ZNF713: variants seen among roughly 807,000 people sequenced by gnomAD.
ZNF713 encodes the protein zinc finger protein 713.
A neutral mutation model predicts 28.7 loss-of-function variants in ZNF713; 21 were observed. The observed-to-expected ratio is 0.73, with a 90% CI of 0.52 to 1.05. ZNF713 has a LOEUF of 1.05. Among genes scored for constraint, ZNF713 ranks in the 50% least tolerant of loss-of-function variants. The pLI, the probability that ZNF713 is intolerant of heterozygous loss-of-function variation, is 0.00. For synonymous variants in ZNF713, 167 were observed against 178.0 expected, an observed-to-expected ratio of 0.94 and a Z score of 0.49; for missense variants, 458 against 532.4, an observed-to-expected ratio of 0.86 and a Z score of 1.37.
intron 6 of ZNF713, among the ~76,000 whole-genome samples, chr7:55,934,768 A>C (rs1786310478): frequency 6.6e-6 from 1 of 152,040 alleles, no homozygotes; most frequent in Admixed American, 6.6e-5. Flanking sequence ...GCCTCCCAAA[A>C]TGCTAAGATT....
rs1786433834 is a variant in ZNF713 at position 55,940,041 on chromosome 7, G to A, written c.*35G>A. On this transcript the variant is annotated 3_prime_UTR_variant, in exon 7 of 7. Coordinates refer to ENST00000429591, the MANE Select transcript of ZNF713 (RefSeq NM_182633.3). Reference sequence around the variant, plus strand: ...GGGGAAATCAGATAAATATATAAATGTAGGAGATTTTTTGGTCAGACCTTT... The same window carrying A: ...GGGGAAATCAGATAAATATATAAATATAGGAGATTTTTTGGTCAGACCTTT... 1.3e-6 allele frequency: 2 copies of A among 1,515,426 alleles called. No individual in the cohort carries two copies. Among genetic ancestry groups the A allele is most frequent in the Non-Finnish European group, 1.8e-6 (2 of 1,134,532 alleles). The allele number at this position is 1,515,426 out of a possible 1,614,324, so 93.9% of individuals were successfully genotyped here.
At chr7:55,918,975 CAG>C (rs1329954703) in intron 4 of ZNF713, among the ~76,000 whole-genome samples, 1 of 149,138 alleles carries the variant, frequency 6.7e-6, no homozygotes, top group Non-Finnish European at 1.5e-5. Flanking sequence ...GCCTGGGTGA[CAG>C]AGAGAAATTC....
chr7:55,890,651 T>C (rs1396219712), intron 1 of ZNF713, among the ~76,000 whole-genome samples: 1 of 151,904 alleles, frequency 6.6e-6, no homozygotes, highest in Non-Finnish European at 1.5e-5. Context: ...CAAGAAAAAA[T>C]GTATCCCTTA....
At chr7:55,892,941 G>C (rs548347504) in intron 1 of ZNF713, among the ~76,000 whole-genome samples, 2 of 151,654 alleles carry the variant, frequency 1.3e-5, no homozygotes, top group Non-Finnish European at 2.9e-5. Flanking sequence ...GGAGTGCAGT[G>C]GTGTGATCTC....
intron 1 of ZNF713, among the ~76,000 whole-genome samples, 194 bp downstream of exon 1, chr7:55,887,874 CGG>C (rs1785302153): frequency 1.3e-4 from 1 of 7,852 alleles, no homozygotes; most frequent in African/African-American, 1.1e-3. Flanking sequence ...GCGGCGGCGG[CGG>C]CGGCGGCGGC....
chr7:55,934,925 G>A (rs867179794), intron 6 of ZNF713, among the ~76,000 whole-genome samples: 2 of 133,030 alleles, frequency 1.5e-5, no homozygotes, highest in Non-Finnish European at 1.5e-5. Flanking sequence ...GTCTTGCTCT[G>A]TTGCCTAGAC....
intron 3 of ZNF713, 100 bp from the exon 4 acceptor site, chr7:55,912,535 C>A: frequency 2.6e-6 from 2 of 775,322 alleles, no homozygotes; most frequent in Non-Finnish European, 4.3e-6. Flanking sequence ...TCTTAGAGGG[C>A]TTCTCAGTAC....
chr7:55,902,817 A>G (rs1227723344), intron 1 of ZNF713, among the ~76,000 whole-genome samples: 1 of 152,042 alleles, frequency 6.6e-6, no homozygotes, highest in East Asian at 1.9e-4. Flanking sequence ...TGAAATGTGA[A>G]TAATTTGAGC....
intron 1 of ZNF713, among the ~76,000 whole-genome samples, chr7:55,900,426 C>T (rs964273181): frequency 2.0e-5 from 3 of 151,880 alleles, no homozygotes; most frequent in African/African-American, 4.8e-5. Context: ...CGAGATTGCA[C>T]CACTGCACTC....
At position 55,938,968 on chromosome 7, in the gene ZNF713, T is replaced by C. The variant is rs777291078; in HGVS notation, c.308-14T>C. 2.6e-6 allele frequency: 4 copies of C among 1,556,562 alleles called. No homozygotes were observed. The highest frequency in any genetic ancestry group is 1.7e-6 in the Non-Finnish European group (2 of 1,153,952). ...AATATTGGAAAGTATTTGTATGTTC[T>C]GAATTTCTTTTAGATGGAGAAAACA... On this transcript the variant is annotated splice_polypyrimidine_tract_variant and intron_variant, in intron 6 of 6. Transcript: ENST00000429591.
chr7:55,911,415 A>G (rs1785781045), intron 2 of ZNF713, among the ~76,000 whole-genome samples: 1 of 152,188 alleles, frequency 6.6e-6, no homozygotes, highest in Non-Finnish European at 1.5e-5. Flanking sequence ...ATTTGTTGTT[A>G]TTGACACATG....
At position 55,938,322 on chromosome 7, in the gene ZNF713, A is replaced by G. The variant is rs151114791; in HGVS notation, c.308-660A>G. ...TTTAAAGAAGTTGTGGGAAACTAAA[A>G]TGAAATTTAAAAATCATAATCCATA... On this transcript the variant is annotated intron_variant, in intron 6 of 6. Coordinates refer to ENST00000429591, the MANE Select transcript of ZNF713 (RefSeq NM_182633.3). Among the ~76,000 whole-genome samples, 742 of 151,482 alleles carry G rather than the reference A, an allele frequency of 4.9e-3. 9 individuals are homozygous for G. Among genetic ancestry groups the G allele is most frequent in the African/African-American group, 0.016 (675 of 41,550 alleles).
Position 55,899,438 on chromosome 7 carries a change from G to C in ZNF713, c.-582-6815G>C, listed in dbSNP as rs761094219. 2.8e-4 allele frequency among the ~76,000 whole-genome samples: 40 copies of C among 143,970 alleles called. 1 individual carries two copies. Among genetic ancestry groups the C allele is most frequent in the South Asian group, 7.1e-4 (3 of 4,248 alleles). The allele number at this position is 143,970 out of a possible 152,430, so 94.4% of individuals were successfully genotyped here. A position where few individuals can be genotyped will look rare whatever the true frequency, so the allele number is the denominator to read the frequency against. ...CCAGCACTTTGGGAGGCCGAGGGGG[G>C]GGGGGGGGTTGATCACAAGGTCAGG... is the stretch of plus-strand genomic sequence containing the variant. On this transcript the variant is annotated intron_variant, in intron 1 of 6. Coordinates refer to ENST00000429591, the MANE Select transcript of ZNF713 (RefSeq NM_182633.3).
intron 2 of ZNF713, among the ~76,000 whole-genome samples, chr7:55,907,734 T>C (rs1198481081): frequency 9.2e-5 from 14 of 152,188 alleles, no homozygotes; most frequent in Non-Finnish European, 1.8e-4. Flanking sequence ...TTCTGAGTTA[T>C]TTCACTTAGG....
At chr7:55,913,362 C>T (rs923306231) in intron 4 of ZNF713, among the ~76,000 whole-genome samples, 6 of 151,820 alleles carry the variant, frequency 4.0e-5, no homozygotes, top group South Asian at 4.2e-4. Context: ...CCACCACGCC[C>T]GGCCAATTTT....
chr7:55,918,204 A>C, intron 4 of ZNF713: 1 of 439,056 alleles, frequency 2.3e-6, no homozygotes, highest in South Asian at 1.6e-5. Flanking sequence ...GAGGAAACCC[A>C]GACAGCCCAT....
chr7:55,936,291 G>A (rs1291892805), intron 6 of ZNF713, among the ~76,000 whole-genome samples: 2 of 150,844 alleles, frequency 1.3e-5, no homozygotes, highest in Non-Finnish European at 1.5e-5. Flanking sequence ...ATCTGAGAGG[G>A]ACTTCCGTGA....
intron 1 of ZNF713, among the ~76,000 whole-genome samples, chr7:55,896,601 GTATATATA>G: frequency 6.7e-6 from 1 of 149,382 alleles, no homozygotes; most frequent in African/African-American, 2.5e-5. Flanking sequence ...GTGTGTGTGT[GTATATATA>G]TATACACACA....
intron 1 of ZNF713, among the ~76,000 whole-genome samples, chr7:55,902,148 G>A (rs777912737): frequency 3.3e-5 from 5 of 152,042 alleles, no homozygotes; most frequent in South Asian, 2.1e-4. Flanking sequence ...CTGAGGTTGC[G>A]CCACTGCACT....
Sources: gnomAD v4.1 joint callset for allele counts (sites outside exome capture counted in the v4.1 genomes callset) on GRCh38, gnomAD v4.1.1 for gene constraint, MANE v1.5 for transcripts, NCBI Gene and HGNC (gene_info 2026-07-23, HGNC 2026-07-21) for gene names.